Variants in NTRK2 observed in about 807,000 individuals in gnomAD.
The protein encoded by NTRK2 is BDNF/NT-3 growth factors receptor.
In NTRK2, 13 loss-of-function variants were observed where a neutral mutation model predicts 94.5. That is an observed-to-expected ratio of 0.14 (90% CI 0.09 to 0.22). The LOEUF (loss-of-function observed/expected upper bound fraction) is 0.22. NTRK2 is among the 10% of genes least tolerant of loss of function. The pLI, the probability that NTRK2 is intolerant of heterozygous loss-of-function variation, is 1.00. For missense variants in NTRK2, 639 were observed against 1,071.2 expected (o/e 0.60, Z 5.63); for synonymous variants, 372 against 407.4 (o/e 0.91, Z 1.05).
intron 17 of NTRK2, among the ~76,000 whole-genome samples, chr9:84,959,659 C>A (rs1824651311): frequency 6.6e-6 from 1 of 152,228 alleles, no homozygotes; most frequent in African/African-American, 2.4e-5. Context: ...ATGGCGGGTC[C>A]AAAATTACTC....
chr9:84,876,419 T>A, intron 14 of NTRK2: 1 of 1,054,518 alleles, frequency 9.5e-7, no homozygotes, highest in South Asian at 4.6e-5. Context: ...GCTCAATACT[T>A]ACTCCCCTTC....
intron 12 of NTRK2, among the ~76,000 whole-genome samples, chr9:84,775,014 C>T (rs535393572): frequency 1.1e-4 from 17 of 152,310 alleles, no homozygotes; most frequent in African/African-American, 3.8e-4. Flanking sequence ...CTTTTATTTC[C>T]GAGCCTTCTT....
chr9:84,952,191 C>A (rs918552699), intron 16 of NTRK2, among the ~76,000 whole-genome samples: 2 of 152,228 alleles, frequency 1.3e-5, no homozygotes, highest in African/African-American at 4.8e-5. Flanking sequence ...ACACAGGTAG[C>A]AGATGACAGA....
At chr9:84,789,977 C>T (rs1303159566) in intron 12 of NTRK2, among the ~76,000 whole-genome samples, 4 of 152,160 alleles carry the variant, frequency 2.6e-5, no homozygotes. Context: ...GCTGGATTTT[C>T]GTTCAAATGT....
intron 17 of NTRK2, among the ~76,000 whole-genome samples, chr9:84,995,833 G>C (rs1285437136): frequency 1.3e-5 from 2 of 152,204 alleles, no homozygotes; most frequent in Admixed American, 1.3e-4. Context: ...GATGCTTAAA[G>C]TTTTTAATTC....
At chr9:84,996,126 T>C (rs1445844057) in intron 17 of NTRK2, among the ~76,000 whole-genome samples, 1 of 152,262 alleles carries the variant, frequency 6.6e-6, no homozygotes, top group Non-Finnish European at 1.5e-5. Context: ...CATATGAGGC[T>C]GCTGTACACA....
intron 12 of NTRK2, among the ~76,000 whole-genome samples, chr9:84,832,480 A>G (rs762294792): frequency 1.3e-5 from 2 of 152,178 alleles, no homozygotes; most frequent in Non-Finnish European, 2.9e-5. Context: ...CTGGTCCTGA[A>G]AGGAGCAGTA....
At chr9:84,693,212 C>A (rs1295454655) in intron 2 of NTRK2, among the ~76,000 whole-genome samples, 2 of 152,214 alleles carry the variant, frequency 1.3e-5, no homozygotes, top group African/African-American at 4.8e-5. Context: ...TGACCTCTGG[C>A]TGATCATCAG....
intron 2 of NTRK2, among the ~76,000 whole-genome samples, chr9:84,681,547 G>T (rs1465226763): frequency 6.6e-6 from 1 of 152,128 alleles, no homozygotes; most frequent in Non-Finnish European, 1.5e-5. Context: ...TTCTTACCGG[G>T]CTTGCAGTGT....
At chr9:84,839,976 T>G (rs2074080043) in intron 12 of NTRK2, among the ~76,000 whole-genome samples, 1 of 152,226 alleles carries the variant, frequency 6.6e-6, no homozygotes, top group African/African-American at 2.4e-5. Flanking sequence ...TACATTTCAC[T>G]GCCAACATCC....
In NTRK2 at chr9:84,758,165, C is replaced by A. The variant is rs1041159131; in HGVS notation, c.1396+6080C>A. ...TTATTTATTCATGATATTTGTGGCT[C>A]ATATTTTCTTCTAGTCTTTTGACTT... On this transcript the variant is annotated intron_variant, in intron 12 of 18. Coordinates refer to ENST00000277120, the MANE Select transcript of NTRK2 (RefSeq NM_006180.6). Among the ~76,000 whole-genome samples, 3 of 151,686 alleles carry A rather than the reference C, an allele frequency of 2.0e-5. No individual in the cohort carries two copies. The South Asian group carries it at 6.3e-4, about 32-fold the overall frequency.
intron 5 of NTRK2, among the ~76,000 whole-genome samples, 200 bp downstream of exon 5, chr9:84,708,112 A>C (rs144262215): frequency 4.0e-4 from 61 of 152,384 alleles, no homozygotes; most frequent in Non-Finnish European, 6.6e-4. Flanking sequence ...TAATTAAAAA[A>C]AATAGAAATC....
chr9:84,839,449 C>T (rs957257386), intron 12 of NTRK2, among the ~76,000 whole-genome samples: 1 of 152,190 alleles, frequency 6.6e-6, no homozygotes, highest in Non-Finnish European at 1.5e-5. Context: ...CCAGAGGCTT[C>T]AAACTCTTGG....
chr9:84,699,077 C>G (rs2060563640), intron 2 of NTRK2, among the ~76,000 whole-genome samples: 2 of 150,168 alleles, frequency 1.3e-5, no homozygotes, highest in Non-Finnish European at 3.0e-5. Context: ...TGCACTGTTG[C>G]CCAGGCTGGA....
At chr9:84,855,928 C>T (rs976417585) in intron 12 of NTRK2, among the ~76,000 whole-genome samples, 8 of 152,244 alleles carry the variant, frequency 5.3e-5, no homozygotes, top group Admixed American at 1.3e-4. Context: ...GAAGTGGGAC[C>T]CATTGCTCTG....
Position 84,796,703 on chromosome 9 carries a change from G to A in NTRK2, c.1396+44618G>A, listed in dbSNP as rs551674833. Among the ~76,000 whole-genome samples the A allele has an allele frequency of 4.6e-5, 7 of 152,172 alleles. No individual in the cohort carries two copies. In the East Asian group the frequency reaches 1.4e-3, roughly 29 times the overall value. On this transcript the variant is annotated intron_variant, in intron 12 of 18. Transcript: ENST00000277120. Reference sequence around the variant, plus strand: ...TAATTTAGTGAGGAATTGGGTTGGTGGAATATTAGGGTATCTTTCATGAAC... The same window carrying A: ...TAATTTAGTGAGGAATTGGGTTGGTAGAATATTAGGGTATCTTTCATGAAC...
chr9:84,921,856 C>A (rs1420912872), intron 14 of NTRK2, among the ~76,000 whole-genome samples: 1 of 151,992 alleles, frequency 6.6e-6, no homozygotes, highest in Non-Finnish European at 1.5e-5. Flanking sequence ...CCCAGAAAAC[C>A]AAAAATCAAA....
At chr9:84,851,873 A>G (rs2074790995) in intron 12 of NTRK2, among the ~76,000 whole-genome samples, 1 of 152,240 alleles carries the variant, frequency 6.6e-6, no homozygotes, top group South Asian at 2.1e-4. Flanking sequence ...AGGACTAAAA[A>G]AAGAATTTGC....
Position 84,826,628 on chromosome 9 carries a change from C to A in NTRK2, c.1397-34412C>A, listed in dbSNP as rs554291588. On this transcript the variant is annotated intron_variant, in intron 12 of 18. Transcript: ENST00000277120. ...GATCTGAGTTCCAATCCCTGTTTGG[C>A]CCATGATGTGGACGTATCCCCTAAC... 7.9e-5 allele frequency among the ~76,000 whole-genome samples: 12 copies of A among 152,248 alleles called. No individual in the cohort carries two copies. The South Asian group carries it at 2.5e-3, about 32-fold the overall frequency.
Sources: gnomAD v4.1 joint callset for allele counts (sites outside exome capture counted in the v4.1 genomes callset) on GRCh38, gnomAD v4.1.1 for gene constraint, MANE v1.5 for transcripts, NCBI Gene and HGNC (gene_info 2026-07-23, HGNC 2026-07-21) for gene names.